The following RIMS2 variants were observed in gnomAD, a reference collection of about 807,000 sequenced individuals.
RIMS2 encodes the protein regulating synaptic membrane exocytosis 2.
A neutral mutation model predicts 174.4 loss-of-function variants in RIMS2; 59 were observed. The observed-to-expected ratio is 0.34, with a 90% CI of 0.27 to 0.42. RIMS2 has a LOEUF of 0.42. RIMS2 is among the 10% of genes least tolerant of loss of function. The pLI is 1.00. For synonymous variants in RIMS2, 606 were observed against 572.5 expected, an observed-to-expected ratio of 1.06 and a Z score of -0.84; for missense variants, 1,620 against 1,666.3, an observed-to-expected ratio of 0.97 and a Z score of 0.48.
chr8:103,778,011 T>G (rs2098337292), intron 3 of RIMS2, among the ~76,000 whole-genome samples: 1 of 152,024 alleles, frequency 6.6e-6, no homozygotes, highest in African/African-American at 2.4e-5. Flanking sequence ...TTGCTGACAT[T>G]TAAAAATGTC....
chr8:103,582,368 G>A (rs2093667129), intron 1 of RIMS2, among the ~76,000 whole-genome samples: 1 of 152,130 alleles, frequency 6.6e-6, no homozygotes, highest in Non-Finnish European at 1.5e-5. Flanking sequence ...CAGCTGTGGT[G>A]GCTATGGGGA....
intron 1 of RIMS2, among the ~76,000 whole-genome samples, chr8:103,597,927 A>T (rs2094541391): frequency 6.6e-6 from 1 of 152,166 alleles, no homozygotes. Context: ...TGCACTTAAA[A>T]GTATTATTTT....
intron 3 of RIMS2, chr8:103,880,811 T>G: frequency 2.7e-6 from 1 of 372,248 alleles, no homozygotes; most frequent in Non-Finnish European, 4.8e-6. Context: ...GAAACGGGCC[T>G]TTGTTTTCAT....
At chr8:103,716,710 T>G (rs1174996335) in intron 2 of RIMS2, among the ~76,000 whole-genome samples, 1 of 152,166 alleles carries the variant, frequency 6.6e-6, no homozygotes, top group Non-Finnish European at 1.5e-5. Flanking sequence ...AGTATAAAGA[T>G]TTAACTGTTA....
chr8:104,049,764 AAC>A (rs1226302694), intron 19 of RIMS2, among the ~76,000 whole-genome samples: 1 of 152,236 alleles, frequency 6.6e-6, no homozygotes, highest in South Asian at 2.1e-4. Context: ...AAAAAAGGAA[AAC>A]ACACAAAAAG....
chr8:103,908,177 G>A (rs574434076), intron 4 of RIMS2, among the ~76,000 whole-genome samples: 91 of 152,226 alleles, frequency 6.0e-4, no homozygotes, highest in Non-Finnish European at 8.2e-4. Context: ...GAATAGCTTG[G>A]ACTACAGGCG....
intron 19 of RIMS2, among the ~76,000 whole-genome samples, chr8:104,111,271 A>G (rs955204203): frequency 2.6e-5 from 4 of 152,218 alleles, no homozygotes; most frequent in African/African-American, 9.6e-5. Context: ...AAATATTATG[A>G]GAATTGATCA....
chr8:103,738,041 T>C (rs1366401215), intron 2 of RIMS2, among the ~76,000 whole-genome samples: 1 of 152,184 alleles, frequency 6.6e-6, no homozygotes, highest in Non-Finnish European at 1.5e-5. Flanking sequence ...TCTTTAATAC[T>C]GTGTTTCTAA....
At chr8:103,535,055 A>C (rs1050378083) in intron 1 of RIMS2, among the ~76,000 whole-genome samples, 1 of 152,214 alleles carries the variant, frequency 6.6e-6, no homozygotes, top group Non-Finnish European at 1.5e-5. Context: ...TTTCTGGCTA[A>C]AAGAATGTTT....
intron 3 of RIMS2, among the ~76,000 whole-genome samples, chr8:103,876,241 A>G (rs551154422): frequency 2.2e-4 from 33 of 152,066 alleles, no homozygotes; most frequent in African/African-American, 6.5e-4. Flanking sequence ...TTTAGATCAT[A>G]TATTTAAGTC....
chr8:104,249,206 TA>T (rs2099351065), intron 21 of RIMS2, among the ~76,000 whole-genome samples: 1 of 152,004 alleles, frequency 6.6e-6, no homozygotes, highest in South Asian at 2.1e-4. Context: ...GTGCTGGGAT[TA>T]CAGGCATGAG....
intron 4 of RIMS2, among the ~76,000 whole-genome samples, chr8:103,897,805 T>C (rs895553984): frequency 4.6e-5 from 7 of 151,694 alleles, no homozygotes; most frequent in Non-Finnish European, 7.4e-5. Flanking sequence ...TGTATATGGC[T>C]TCTTTTCCCA....
intron 4 of RIMS2, among the ~76,000 whole-genome samples, chr8:103,901,007 A>G (rs1183417184): frequency 6.6e-6 from 1 of 152,046 alleles, no homozygotes. Context: ...CTCCTTAGCA[A>G]TGTGTATCCA....
At chr8:103,882,846 T>C (rs2099174797) in intron 3 of RIMS2, among the ~76,000 whole-genome samples, 1 of 151,690 alleles carries the variant, frequency 6.6e-6, no homozygotes, top group Non-Finnish European at 1.5e-5. Flanking sequence ...TCCCCTGTTA[T>C]AAAGACTCAT....
At chr8:103,705,391 T>A (rs569483325) in intron 2 of RIMS2, among the ~76,000 whole-genome samples, 24 of 152,260 alleles carry the variant, frequency 1.6e-4, no homozygotes, top group African/African-American at 5.8e-4. Context: ...GAATGTTATA[T>A]GTGCTAATGA....
chr8:104,185,451 C>G (rs1435603031), intron 19 of RIMS2, among the ~76,000 whole-genome samples: 1 of 151,298 alleles, frequency 6.6e-6, no homozygotes, highest in African/African-American at 2.4e-5. Context: ...TATCTGTAGC[C>G]AAAAATTCTG....
intron 19 of RIMS2, among the ~76,000 whole-genome samples, chr8:104,136,266 CA>C (rs2098518921): frequency 6.6e-6 from 1 of 151,994 alleles, no homozygotes; most frequent in Non-Finnish European, 1.5e-5. Context: ...TAGCTAAAAG[CA>C]ATAATACAGC....
intron 19 of RIMS2, among the ~76,000 whole-genome samples, chr8:104,137,680 T>C (rs1042232447): frequency 6.6e-5 from 10 of 152,296 alleles, no homozygotes; most frequent in Admixed American, 1.3e-4. Context: ...GATTGCCTTG[T>C]TTATTTGTTC....
Position 104,228,347 on chromosome 8 carries a change from G to T in RIMS2, c.3335-16569G>T, listed in dbSNP as rs559067185. 1.8e-4 allele frequency among the ~76,000 whole-genome samples: 28 copies of T among 152,166 alleles called. No individual in the cohort carries two copies. In the South Asian group the frequency reaches 5.4e-3, roughly 29 times the overall value. ...CCGGCCTAGCTTCACTCTTTAAGAGGTTTATTCACCCAGCAAGAAGAGTAT... is the reference window on the plus strand; with the variant it reads ...CCGGCCTAGCTTCACTCTTTAAGAGTTTTATTCACCCAGCAAGAAGAGTAT... On this transcript the variant is annotated intron_variant, in intron 19 of 23. Coordinates refer to ENST00000504942, the Ensembl canonical transcript of RIMS2.
Sources: gnomAD v4.1 joint callset for allele counts (sites outside exome capture counted in the v4.1 genomes callset) on GRCh38, gnomAD v4.1.1 for gene constraint, MANE v1.5 for transcripts, NCBI Gene and HGNC (gene_info 2026-07-23, HGNC 2026-07-21) for gene names.